Variants in SNX8 observed in about 807,000 individuals in gnomAD.
SNX8 encodes the protein sorting nexin 8, also known as sorting nexin-8.
SNX8 carries 25 observed loss-of-function variants against 51.6 expected under a neutral mutation model. That is an observed-to-expected ratio of 0.48 (90% confidence interval 0.35 to 0.68). SNX8 has a LOEUF of 0.68. Ranked by LOEUF, SNX8 falls within the 30% of genes least tolerant of loss-of-function variation. The probability of loss-of-function intolerance (pLI) is 0.00; values close to 1 mark genes in which losing one functional copy is unlikely to be tolerated. For missense variants in SNX8, 695 were observed against 624.0 expected (o/e 1.11, Z -1.21); for synonymous variants, 324 against 277.0 (o/e 1.17, Z -1.68).
Position 2,257,426 on chromosome 7 carries a change from C to T in SNX8, c.1073G>A (p.Ser358Asn). The T allele has an allele frequency of 1.9e-6, 3 of 1,610,884 alleles. No homozygotes were observed. The highest frequency in any genetic ancestry group is 2.5e-6 in the Non-Finnish European group (3 of 1,179,434). The change falls in exon 9 of 11, where the codon AGC (serine) becomes AAC (asparagine). Residue 358 changes from serine to asparagine, a missense_variant. Physicochemically the swap from Ser to Asn is conservative, Grantham distance 46. Coordinates refer to ENST00000222990, the MANE Select transcript of SNX8 (RefSeq NM_013321.4). ...CGGCTCGCGGTTCTGCGCGGTGGCG[C>T]TCATCATCTGCCTCTTCATCAGGCT... ...KYSLMKRQMM[S>N]ATAQNREPES...
At chr7:2,327,685 G>A (rs1038382573) in intron 1 of SNX8, among the ~76,000 whole-genome samples, 1 of 150,806 alleles carries the variant, frequency 6.6e-6, no homozygotes, top group Non-Finnish European at 1.5e-5. Flanking sequence ...GGGATTACAG[G>A]CGTGAGCCAT....
chr7:2,277,352 A>G (rs1795803255), intron 2 of SNX8, among the ~76,000 whole-genome samples: 2 of 152,208 alleles, frequency 1.3e-5, no homozygotes, highest in Admixed American at 6.5e-5. Context: ...AGAGTGACAC[A>G]TATTGATCCT....
intron 1 of SNX8, among the ~76,000 whole-genome samples, chr7:2,327,218 C>G (rs1371993660): frequency 6.6e-6 from 1 of 151,930 alleles, no homozygotes; most frequent in Non-Finnish European, 1.5e-5. Flanking sequence ...TCTGTCTTCA[C>G]AAGGCATTTC....
chr7:2,296,475 C>A (rs1796275116), intron 1 of SNX8, among the ~76,000 whole-genome samples: 1 of 151,928 alleles, frequency 6.6e-6, no homozygotes, highest in African/African-American at 2.4e-5. Context: ...TAGGAGTCTT[C>A]TAGAGGAGTC....
intron 1 of SNX8, among the ~76,000 whole-genome samples, chr7:2,281,332 T>C (rs1392680562): frequency 1.3e-5 from 2 of 151,814 alleles, no homozygotes; most frequent in Non-Finnish European, 2.9e-5. Flanking sequence ...GGCAGGAGGA[T>C]TGCTTGAGCC....
chr7:2,319,347 A>G (rs930063698), upstream of SNX8, among the ~76,000 whole-genome samples: 3 of 151,476 alleles, frequency 2.0e-5, no homozygotes, highest in Admixed American at 6.6e-5. Context: ...GCCTCAAAAA[A>G]AATAAAATAA....
At chr7:2,277,884 G>A (rs1319594567) in intron 2 of SNX8, among the ~76,000 whole-genome samples, 1 of 152,040 alleles carries the variant, frequency 6.6e-6, no homozygotes, top group Non-Finnish European at 1.5e-5. Context: ...GACCAGGTGG[G>A]GACGTGGCTG....
chr7:2,295,045 T>C lies in SNX8; in HGVS notation c.95-16740A>G, dbSNP rs150426512. Among the ~76,000 whole-genome samples the C allele has an allele frequency of 3.9e-3, 599 of 151,772 alleles. 1 individual carries two copies. The highest frequency in any genetic ancestry group is 0.013 in the African/African-American group (556 of 41,386). On this transcript the variant is annotated intron_variant, in intron 1 of 10. Transcript: ENST00000222990. ...GACCCTGTCTCCTAAAATATAAAAA[T>C]AAATAAAATAAAATAATAAAAGACA... is the stretch of plus-strand genomic sequence containing the variant.
intron 1 of SNX8, among the ~76,000 whole-genome samples, chr7:2,335,520 T>C (rs1462765077): frequency 1.3e-5 from 2 of 151,960 alleles, no homozygotes; most frequent in Non-Finnish European, 2.9e-5. Flanking sequence ...TGAGTGAAAG[T>C]AGCCAGGCGC....
At chr7:2,300,721 C>A (rs1796371772) in intron 1 of SNX8, among the ~76,000 whole-genome samples, 1 of 152,050 alleles carries the variant, frequency 6.6e-6, no homozygotes, top group Non-Finnish European at 1.5e-5. Flanking sequence ...TGGCTCCCTG[C>A]AACCTCCACC....
chr7:2,314,928 ACACT>A (rs1481934434), upstream of SNX8, among the ~76,000 whole-genome samples: 20 of 137,040 alleles, frequency 1.5e-4, no homozygotes, highest in African/African-American at 2.2e-4. Context: ...ATCCACTCAC[ACACT>A]CACTCACCGC....
chr7:2,336,571 G>T (rs189456084), intron 1 of SNX8, among the ~76,000 whole-genome samples: 2 of 152,032 alleles, frequency 1.3e-5, no homozygotes, highest in Non-Finnish European at 2.9e-5. Flanking sequence ...AGCTGGGCAT[G>T]GTGGTGCGCA....
chr7:2,351,639 T>C (rs1292919609), intron 1 of SNX8, among the ~76,000 whole-genome samples: 2 of 151,880 alleles, frequency 1.3e-5, no homozygotes, highest in Admixed American at 1.3e-4. Flanking sequence ...GAGACCATCC[T>C]GACTAACAGG....
At chr7:2,287,835 A>G (rs906302845) in intron 1 of SNX8, 4 of 151,842 alleles carry the variant, frequency 2.6e-5, no homozygotes, top group Non-Finnish European at 5.9e-5. Flanking sequence ...CTGTAATCCC[A>G]ACACTTTGGG....
chr7:2,308,787 T>C (rs1370379510), intron 1 of SNX8, among the ~76,000 whole-genome samples: 1 of 149,228 alleles, frequency 6.7e-6, no homozygotes, highest in Non-Finnish European at 1.5e-5. Context: ...CAAATTTTTT[T>C]TTTTTTTTTT....
intron 1 of SNX8, among the ~76,000 whole-genome samples, chr7:2,312,494 C>T (rs1285260021): frequency 6.6e-6 from 1 of 152,102 alleles, no homozygotes; most frequent in East Asian, 1.9e-4. Flanking sequence ...TTCTAATCAG[C>T]GAGAACTATC....
chr7:2,347,088 C>T (rs1294715353), intron 1 of SNX8, among the ~76,000 whole-genome samples: 1 of 151,942 alleles, frequency 6.6e-6, no homozygotes, highest in Admixed American at 6.6e-5. Flanking sequence ...GCCATGGGAG[C>T]CTGAGGTAGG....
At chr7:2,307,341 G>C (rs1045407851) in intron 1 of SNX8, among the ~76,000 whole-genome samples, 2 of 151,926 alleles carry the variant, frequency 1.3e-5, no homozygotes, top group African/African-American at 4.8e-5. Context: ...TTTCTCAGAG[G>C]ATGACAATGG....
chr7:2,305,953 G>C lies in SNX8; in HGVS notation c.94+8375C>G, dbSNP rs190476568. Among the ~76,000 whole-genome samples, 56 of 152,136 alleles carry C rather than the reference G, an allele frequency of 3.7e-4. 1 individual carries two copies. The South Asian group carries it at 8.7e-3, about 24-fold the overall frequency. ...ATAAAGACAGCGGCACCCTGGAAAC[G>C]CTCCTTCTGGTTGCATCCCTGACAG... On this transcript the variant is annotated intron_variant, in intron 1 of 10. Coordinates refer to ENST00000222990, the MANE Select transcript of SNX8 (RefSeq NM_013321.4).
Sources: gnomAD v4.1 joint callset for allele counts (sites outside exome capture counted in the v4.1 genomes callset) on GRCh38, gnomAD v4.1.1 for gene constraint, MANE v1.5 for transcripts, NCBI Gene and HGNC (gene_info 2026-07-23, HGNC 2026-07-21) for gene names.